The following USH2A variants were observed in gnomAD, a reference collection of about 807,000 sequenced individuals.
The protein encoded by USH2A is usherin.
In USH2A, 443 loss-of-function variants were observed where a neutral mutation model predicts 538.9. The ratio of observed to expected loss-of-function variants is 0.82; its 90% confidence interval spans 0.76 to 0.89. The LOEUF (loss-of-function observed/expected upper bound fraction) is 0.89. USH2A is among the 40% of genes least tolerant of loss of function. The probability of loss-of-function intolerance (pLI) is 0.00; values close to 1 mark genes in which losing one functional copy is unlikely to be tolerated. For missense variants in USH2A, 6,633 were observed against 6,324.8 expected, an observed-to-expected ratio of 1.05 and a Z score of -1.65; for synonymous variants, 2,413 against 2,273.5, an observed-to-expected ratio of 1.06 and a Z score of -1.75.
intron 37 of USH2A, among the ~76,000 whole-genome samples, chr1:215,943,709 C>T (rs1210356788): frequency 6.6e-6 from 1 of 152,084 alleles, no homozygotes; most frequent in East Asian, 1.9e-4. Flanking sequence ...GATAATTTTC[C>T]AAGGCGACTG....
intron 49 of USH2A, among the ~76,000 whole-genome samples, chr1:215,803,348 T>C (rs1390997180): frequency 6.6e-6 from 1 of 152,198 alleles, no homozygotes; most frequent in Non-Finnish European, 1.5e-5. Flanking sequence ...AAATTGTCCC[T>C]GTTTGCAGAT....
At position 216,406,998 on chromosome 1, in the gene USH2A, G is replaced by C. The variant is rs141870138; in HGVS notation, c.651+11516C>G. 4.2e-4 allele frequency among the ~76,000 whole-genome samples: 64 copies of C among 152,098 alleles called. No individual in the cohort carries two copies. In the East Asian group the frequency reaches 0.012, roughly 29 times the overall value. On this transcript the variant is annotated intron_variant, in intron 3 of 71. Transcript: ENST00000307340. ...GCTGACTCTCCTTCTCAGGTTCCTT[G>C]GCTTTCCATCAAGGAAAACATGGGT...
chr1:215,836,501 ATATATTATATAT>A (rs1663511390), intron 47 of USH2A, among the ~76,000 whole-genome samples: 1 of 18,818 alleles, frequency 5.3e-5, no homozygotes. Context: ...TATATATAAT[ATATATTATATAT>A]ATATAATATA....
At chr1:215,785,365 C>A (rs888487775) in intron 52 of USH2A, among the ~76,000 whole-genome samples, 6 of 152,170 alleles carry the variant, frequency 3.9e-5, no homozygotes, top group Non-Finnish European at 5.9e-5. Flanking sequence ...GGAGCTCCTG[C>A]ACCACGTGGA....
At chr1:216,222,534 C>T (rs781327392) in intron 14 of USH2A, among the ~76,000 whole-genome samples, 1 of 152,122 alleles carries the variant, frequency 6.6e-6, no homozygotes, top group Non-Finnish European at 1.5e-5. Context: ...GGAGATTATC[C>T]TGGATTATCC....
At chr1:216,375,941 C>T (rs1026471971) in intron 3 of USH2A, among the ~76,000 whole-genome samples, 5 of 152,038 alleles carry the variant, frequency 3.3e-5, no homozygotes, top group East Asian at 1.9e-4. Context: ...AACATTCTGT[C>T]GGTGGAGAAG....
intron 61 of USH2A, among the ~76,000 whole-genome samples, chr1:215,717,867 T>C (rs1176962552): frequency 6.6e-6 from 1 of 152,204 alleles, no homozygotes; most frequent in East Asian, 1.9e-4. Flanking sequence ...CAATGGAGTG[T>C]TTGTAGTGGA....
intron 14 of USH2A, among the ~76,000 whole-genome samples, chr1:216,218,645 T>G (rs567306378): frequency 6.6e-6 from 1 of 152,140 alleles, no homozygotes; most frequent in South Asian, 2.1e-4. Flanking sequence ...TGGACTAATA[T>G]CCCCTTGGGA....
At chr1:216,288,508 T>C (rs1571664154) in intron 11 of USH2A, among the ~76,000 whole-genome samples, 1 of 152,286 alleles carries the variant, frequency 6.6e-6, no homozygotes, top group East Asian at 1.9e-4. Flanking sequence ...AATATAACTT[T>C]TTAACAAATA....
Position 216,196,591 on chromosome 1 carries a change from G to C in USH2A, c.4213C>G (p.Gln1405Glu). 6.2e-7 allele frequency: 1 copy of C among 1,613,556 alleles called. No individual in the cohort carries two copies. Among genetic ancestry groups the C allele is most frequent in the Non-Finnish European group, 8.5e-7 (1 of 1,179,668 alleles). Residue 1405 changes from glutamine (Q) to glutamate (E), a missense_variant, in exon 19 of 72, where the codon CAA (glutamine) becomes GAA (glutamate). By Grantham distance (29) the Gln-to-Glu change is conservative. Coordinates refer to ENST00000307340, the MANE Select transcript of USH2A (RefSeq NM_206933.4). ...ATGGGAATAGACTGTTGAGGTGATT[G>C]TTCAGAAAGCATATTGATGTCATAC... The part of the protein sequence containing the change: ...VGYDINMLSE[Q>E]SPQQSIPMAF...
chr1:215,785,385 G>A (rs998328252), intron 52 of USH2A, among the ~76,000 whole-genome samples: 4 of 152,210 alleles, frequency 2.6e-5, no homozygotes, highest in African/African-American at 9.7e-5. Context: ...AGTCTTCAAA[G>A]TCTGTCCCTT....
chr1:215,645,723 G>A (rs113353867), intron 67 of USH2A, among the ~76,000 whole-genome samples: 50 of 152,160 alleles, frequency 3.3e-4, no homozygotes, highest in African/African-American at 1.2e-3. Context: ...ATGCCAGATA[G>A]AGTATTTTAG....
intron 68 of USH2A, 42 bp downstream of exon 68, chr1:215,640,516 C>G (rs750739574): frequency 1.2e-6 from 2 of 1,611,976 alleles, no homozygotes; most frequent in Admixed American, 1.7e-5. Context: ...AGCTGGGGAA[C>G]AGAGCGCCTT....
chr1:216,094,428 C>T (rs1211653347), intron 22 of USH2A, among the ~76,000 whole-genome samples: 2 of 152,166 alleles, frequency 1.3e-5, no homozygotes, highest in African/African-American at 2.4e-5. Flanking sequence ...CTTTCCTCTC[C>T]TTCAAATCTT....
intron 35 of USH2A, among the ~76,000 whole-genome samples, chr1:215,983,911 T>C (rs1279186472): frequency 2.6e-5 from 4 of 152,160 alleles, no homozygotes; most frequent in Non-Finnish European, 5.9e-5. Flanking sequence ...TGAGAACAAA[T>C]TCAGGAACCT....
chr1:216,025,053 A>G (rs1668931034), intron 32 of USH2A, among the ~76,000 whole-genome samples: 1 of 151,984 alleles, frequency 6.6e-6, no homozygotes, highest in African/African-American at 2.4e-5. Flanking sequence ...TTCAGTGAGG[A>G]TAACAACATT....
chr1:216,257,696 A>C (rs1350223925), intron 11 of USH2A, among the ~76,000 whole-genome samples: 1 of 151,950 alleles, frequency 6.6e-6, no homozygotes, highest in Non-Finnish European at 1.5e-5. Flanking sequence ...CAAGCCTCTA[A>C]AAGTTGTCCC....
Position 215,625,821 on chromosome 1 carries a change from A to G in USH2A, c.15569T>C (p.Val5190Ala), listed in dbSNP as rs767318653. The G allele has an allele frequency of 5.6e-6, 9 of 1,614,096 alleles. No homozygotes were observed. In the South Asian group the frequency reaches 7.7e-5, roughly 14 times the overall value. Residue 5190 changes from valine (V) to alanine (A), a missense_variant, in exon 72 of 72, where the codon GTG becomes GCG. By Grantham distance (64) the Val-to-Ala change is moderately conservative. Transcript: ENST00000307340. ...TGTGAATGTGGTGCGTTCCTTAGTC[A>G]CTGAGCTGAAATCCTTGATGGCGTT... ...LMNAIKDFSS[V>A]TKERTTFTDT...
chr1:215,877,956 T>C (rs1465087779), intron 42 of USH2A, 76 bp from the exon 43 acceptor site: 1 of 1,597,424 alleles, frequency 6.3e-7, no homozygotes, highest in Non-Finnish European at 8.6e-7. Context: ...GGCTGTTCTG[T>C]GGCATGTGCG....
Sources: gnomAD v4.1 joint callset for allele counts (sites outside exome capture counted in the v4.1 genomes callset) on GRCh38, gnomAD v4.1.1 for gene constraint, MANE v1.5 for transcripts, NCBI Gene and HGNC (gene_info 2026-07-23, HGNC 2026-07-21) for gene names.